The following PEX1 variants were observed in gnomAD, a reference collection of about 807,000 sequenced individuals.
PEX1 encodes the protein peroxisomal biogenesis factor 1, also known as peroxisomal ATPase PEX1.
A neutral mutation model predicts 152.5 loss-of-function variants in PEX1; 97 were observed. That is an observed-to-expected ratio of 0.64 (90% CI 0.54 to 0.75). PEX1 has a LOEUF of 0.75. PEX1 is among the 30% of genes least tolerant of loss of function. PEX1 has a pLI of 0.00. For synonymous variants in PEX1, 485 were observed against 531.6 expected (o/e 0.91, Z 1.21); for missense variants, 1,357 against 1,516.3 (o/e 0.89, Z 1.74).
At chr7:92,491,175 G>A in intron 21 of PEX1, 97 bp downstream of exon 21, 1 of 821,532 alleles carries the variant, frequency 1.2e-6, no homozygotes, top group Non-Finnish European at 2.1e-6. Flanking sequence ...CAACCAGGAA[G>A]AATATGTGGG....
intron 23 of PEX1, among the ~76,000 whole-genome samples, chr7:92,488,033 A>G (rs891135080): frequency 3.9e-5 from 6 of 152,204 alleles, no homozygotes; most frequent in Non-Finnish European, 7.4e-5. Flanking sequence ...AGCTGCAAGA[A>G]TGTTCATTAC....
rs1330557168 is a variant in PEX1, at chr7:92,516,040, AGAG to A, written c.1239+1233_1239+1235del. Among the ~76,000 whole-genome samples, 880 of 113,286 alleles carry A rather than the reference AGAG, an allele frequency of 7.8e-3. 7 individuals carry two copies. The highest frequency in any genetic ancestry group is 0.034 in the Middle Eastern group (7 of 206). 74.3% of individuals were successfully genotyped at this position (113,286 alleles called of 152,430 possible). Reference sequence around the variant, plus strand: ...AGAGAAGAGAAGAGAAGAGAAGAGAAGAGAAGAGAAGAGAAAAAAGAAAAGAAA... The same window carrying A: ...AGAGAAGAGAAGAGAAGAGAAGAGAAAAGAGAAGAGAAAAAAGAAAAGAAA... On this transcript the variant is annotated intron_variant, in intron 5 of 23. Coordinates refer to ENST00000248633, the MANE Select transcript of PEX1 (RefSeq NM_000466.3).
Position 92,499,754 on chromosome 7 carries a change from G to A in PEX1, c.2668C>T (p.Leu890=). The A allele has an allele frequency of 6.2e-7, 1 of 1,613,384 alleles. No homozygotes were observed. Among genetic ancestry groups the A allele is most frequent in the Non-Finnish European group, 8.5e-7 (1 of 1,179,416 alleles). ...CTCTCTCGTGCAATTACCCCAGCTA[G>A]TAAGGTTTTTCCTGTTCCAGGCGGA... ...YGPPGTGKTL[L]AGVIARESRM... The change falls in exon 16 of 24, where the codon CTA becomes TTA. Residue 890 remains leucine (L), a synonymous_variant. Coordinates refer to ENST00000248633, the MANE Select transcript of PEX1 (RefSeq NM_000466.3).
Position 92,511,709 on chromosome 7 carries a change from A to C in PEX1, c.1360-6T>G. On this transcript the variant is annotated splice_region_variant and splice_polypyrimidine_tract_variant and intron_variant, in intron 6 of 23. Coordinates refer to ENST00000248633, the MANE Select transcript of PEX1 (RefSeq NM_000466.3). Reference sequence around the variant, plus strand: ...TCTTCACTTATGTCTTTAGGCTGCCAGAAAAAGGAATAGTAATGAATTATC... The same window carrying C: ...TCTTCACTTATGTCTTTAGGCTGCCCGAAAAAGGAATAGTAATGAATTATC... The C allele has an allele frequency of 6.2e-7, 1 of 1,609,908 alleles. No homozygotes were observed. Among genetic ancestry groups the C allele is most frequent in the Non-Finnish European group, 8.5e-7 (1 of 1,178,026 alleles).
intron 16 of PEX1, among the ~76,000 whole-genome samples, chr7:92,497,901 C>T (rs1250749163): frequency 6.6e-6 from 1 of 151,314 alleles, no homozygotes; most frequent in Non-Finnish European, 1.5e-5. Flanking sequence ...AATCCCGTCT[C>T]TACTAAAAAT....
intron 5 of PEX1, among the ~76,000 whole-genome samples, chr7:92,516,449 A>G (rs1300907698): frequency 6.6e-6 from 1 of 152,122 alleles, no homozygotes; most frequent in Non-Finnish European, 1.5e-5. Context: ...AATAGAAAAG[A>G]AAATGATGTA....
At chr7:92,492,590 AAAC>A (rs1480510966) in intron 20 of PEX1, among the ~76,000 whole-genome samples, 24 of 152,260 alleles carry the variant, frequency 1.6e-4, no homozygotes, top group Non-Finnish European at 3.2e-4. Context: ...GTGAGCTTCA[AAAC>A]AACAACTTTA....
intron 19 of PEX1, 140 bp downstream of exon 19, chr7:92,494,153 T>A: frequency 1.4e-6 from 1 of 724,424 alleles, no homozygotes. Context: ...CTTTTTATGC[T>A]TTGAGCAAAC....
chr7:92,494,369 C>T lies in PEX1; in HGVS notation c.2954G>A (p.Arg985His), dbSNP rs202057449. ...CAGGGCAGGGTCAATCAAGTCAGGG[C>T]GACTAGTAGCAGCCAATACATAAAC... ...QGVYVLAATS[R>H]PDLIDPALLR... is the part of the protein sequence containing the mutation. Residue 985 changes from arginine to histidine, a missense_variant, in exon 19 of 24, where the codon CGC (arginine) becomes CAC (histidine). Arg to His is a conservative substitution (Grantham distance 29, BLOSUM62 0). Transcript: ENST00000248633. The T allele has an allele frequency of 9.2e-5, 149 of 1,613,676 alleles. No homozygotes were observed. Among genetic ancestry groups the T allele is most frequent in the Middle Eastern group, 3.3e-4 (2 of 6,080 alleles).
intron 6 of PEX1, among the ~76,000 whole-genome samples, chr7:92,512,453 G>T (rs117899596): frequency 6.6e-6 from 1 of 152,136 alleles, no homozygotes; most frequent in South Asian, 2.1e-4. Context: ...CTCCTGAGTA[G>T]CTAGGACTAC....
At chr7:92,512,634 G>C (rs578195647) in intron 6 of PEX1, among the ~76,000 whole-genome samples, 23 of 151,928 alleles carry the variant, frequency 1.5e-4, no homozygotes, top group Non-Finnish European at 2.6e-4. Flanking sequence ...TGAGATTACA[G>C]GATTAGCACC....
At chr7:92,504,645 T>C in intron 12 of PEX1, 87 bp downstream of exon 12, 1 of 1,289,126 alleles carries the variant, frequency 7.8e-7, no homozygotes, top group Non-Finnish European at 1.1e-6. Context: ...CATATATTAT[T>C]CTCTGAAGAG....
chr7:92,506,750 TG>T (rs1792209393), intron 10 of PEX1: 2 of 550,880 alleles, frequency 3.6e-6, no homozygotes, highest in Admixed American at 6.2e-5. Flanking sequence ...ACCATATAAT[TG>T]TATCAACTGA....
Position 92,506,464 on chromosome 7 carries a change from AAGAAG to A in PEX1, c.1804-125_1804-121del, listed in dbSNP as rs1792196138. 3 of 723,212 alleles carry A rather than the reference AAGAAG, an allele frequency of 4.1e-6. No individual in the cohort carries two copies. In the African/African-American group the frequency reaches 5.2e-5, roughly 13 times the overall value. The allele number at this position is 723,212 out of a possible 1,614,324, so 44.8% of individuals were successfully genotyped here. A position where few individuals can be genotyped will look rare whatever the true frequency, so the allele number is the denominator to read the frequency against. ...TATACAACCTCTTCCAAAAAAACAA[AAGAAG>A]AGGAGAGAATACTTCCCATCTCATT... On this transcript the variant is annotated intron_variant, in intron 10 of 23. Transcript: ENST00000248633.
At chr7:92,490,045 T>A in intron 21 of PEX1, 134 bp from the exon 22 acceptor site, 1 of 747,508 alleles carries the variant, frequency 1.3e-6, no homozygotes, top group Non-Finnish European at 2.3e-6. Flanking sequence ...GTTAATTAAC[T>A]GAAATTAAGC....
At chr7:92,496,500 T>A (rs1395048589) in intron 17 of PEX1, among the ~76,000 whole-genome samples, 1 of 152,206 alleles carries the variant, frequency 6.6e-6, no homozygotes, top group African/African-American at 2.4e-5. Flanking sequence ...GTATTTCTAT[T>A]GTAAAACAAA....
In PEX1 at chr7:92,528,397, G is replaced by GCCT. The variant is rs1554378403; in HGVS notation, c.36_38dup (p.Gly14dup). 2 of 1,595,092 alleles carry GCCT rather than the reference G, an allele frequency of 1.3e-6. No individual in the cohort carries two copies. The highest frequency in any genetic ancestry group is 1.7e-6 in the Non-Finnish European group (2 of 1,172,392). ...TGAAGGCCACAGTCACTGCCGCCCC[G>GCCT]CCTCCCCCAGCACCCGCCAGGCGAT... On this transcript the variant is annotated inframe_insertion, in exon 1 of 24. Transcript: ENST00000248633.
intron 1 of PEX1, among the ~76,000 whole-genome samples, chr7:92,527,180 A>G (rs2116290714): frequency 6.6e-6 from 1 of 152,364 alleles, no homozygotes; most frequent in Middle Eastern, 3.4e-3. Context: ...AAGACCACTA[A>G]ATTCTTAAAC....
chr7:92,502,867 GT>G (rs1270442749), intron 13 of PEX1, among the ~76,000 whole-genome samples, 173 bp downstream of exon 13: 1 of 152,116 alleles, frequency 6.6e-6, no homozygotes, highest in South Asian at 2.1e-4. Flanking sequence ...AACATTTCAG[GT>G]GGCTATAAAT....
Sources: gnomAD v4.1 joint callset for allele counts (sites outside exome capture counted in the v4.1 genomes callset) on GRCh38, gnomAD v4.1.1 for gene constraint, MANE v1.5 for transcripts, NCBI Gene and HGNC (gene_info 2026-07-23, HGNC 2026-07-21) for gene names.